Variants in PEX3 observed in about 807,000 individuals in gnomAD.
The protein encoded by PEX3 is peroxin-3.
In PEX3, 30 loss-of-function variants were observed where a neutral mutation model predicts 55.8. The observed-to-expected ratio is 0.54, with a 90% CI of 0.40 to 0.73. The LOEUF (loss-of-function observed/expected upper bound fraction) is 0.73. Among genes scored for constraint, PEX3 ranks in the 30% least tolerant of loss-of-function variants. The pLI is 0.00. For synonymous variants in PEX3, 135 were observed against 148.4 expected (o/e 0.91, Z 0.66); for missense variants, 351 against 432.8 (o/e 0.81, Z 1.68).
chr6:143,467,463 T>C (rs1780008017), intron 3 of PEX3, among the ~76,000 whole-genome samples: 2 of 152,120 alleles, frequency 1.3e-5, no homozygotes, highest in South Asian at 4.1e-4. Context: ...ACATTCTGCA[T>C]CGAAGGTTTT....
chr6:143,479,048 AG>A lies in PEX3; in HGVS notation c.819-27del. 1 of 1,452,926 alleles carries A rather than the reference AG, an allele frequency of 6.9e-7. No homozygotes were observed. The highest frequency in any genetic ancestry group is 2.3e-5 in the East Asian group (1 of 44,024). 90.0% of individuals were successfully genotyped at this position (1,452,926 alleles called of 1,614,324 possible). A position where few individuals can be genotyped will look rare whatever the true frequency, so the allele number is the denominator to read the frequency against. ...TTTCTCTTCCATTCAGAGTCTAAAA[AG>A]TAACTTATACTTCTTACTTTATATA... On this transcript the variant is annotated intron_variant, in intron 9 of 11. Transcript: ENST00000367591. This position sits in a 1 kb window ranked among gnomAD's most constrained non-coding sequence, Gnocchi z 4.6.
rs1243926287 is a variant in PEX3 at position 143,486,621 on chromosome 6, A to G, written c.1038+1373A>G. On this transcript the variant is annotated intron_variant, in intron 11 of 11. Transcript: ENST00000367591. The surrounding 1 kb of genome is among the most constrained non-coding windows in gnomAD (Gnocchi z 5.0). ...TTAAACTATAATTTCTATGAGTTAA[A>G]ATACCAAGTGGTCTTCTTAATAAAT... Among the ~76,000 whole-genome samples the G allele has an allele frequency of 6.6e-6, 1 of 152,136 alleles. No homozygotes were observed. The highest frequency in any genetic ancestry group is 1.9e-4 in the East Asian group (1 of 5,204).
chr6:143,455,251 G>A (rs1779828892), intron 1 of PEX3, among the ~76,000 whole-genome samples: 2 of 149,534 alleles, frequency 1.3e-5, no homozygotes, highest in South Asian at 4.2e-4. Flanking sequence ...CGAGTGCAGT[G>A]GCTCGATCTC....
rs1779955520 is a variant in PEX3, at chr6:143,463,829, C to A, written c.287+832C>A. On this transcript the variant is annotated intron_variant, in intron 3 of 11. Coordinates refer to ENST00000367591, the MANE Select transcript of PEX3 (RefSeq NM_003630.3). The surrounding 1 kb of genome is among the most constrained non-coding windows in gnomAD (Gnocchi z 5.7). ...TGCTCCCACTTAATTTACACAATAT[C>A]CCTGTGAGGCGGTTACTATTATTCA... 6.6e-6 allele frequency among the ~76,000 whole-genome samples: 1 copy of A among 152,140 alleles called. No individual in the cohort carries two copies. The highest frequency in any genetic ancestry group is 6.5e-5 in the Admixed American group (1 of 15,276).
rs1331070571 is a variant in PEX3, at chr6:143,463,040, A to C, written c.287+43A>C. On this transcript the variant is annotated intron_variant, in intron 3 of 11. Transcript: ENST00000367591. This position sits in a 1 kb window ranked among gnomAD's most constrained non-coding sequence, Gnocchi z 5.7. ...CATTTTCTGTTTAAGCACTACACTT[A>C]AAGTTTATAGAATGAACTGATAGAC... is the stretch of plus-strand genomic sequence containing the variant. 2 of 1,378,094 alleles carry C rather than the reference A, an allele frequency of 1.5e-6. No homozygotes were observed. The highest frequency in any genetic ancestry group is 4.6e-5 in the East Asian group (2 of 43,684). 85.4% of individuals were successfully genotyped at this position (1,378,094 alleles called of 1,614,324 possible). A position where few individuals can be genotyped will look rare whatever the true frequency, so the allele number is the denominator to read the frequency against.
rs534626615 is a variant in PEX3, at chr6:143,488,547, T to C, written c.1039-596T>C. Among the ~76,000 whole-genome samples, 1 of 152,204 alleles carries C rather than the reference T, an allele frequency of 6.6e-6. No homozygotes were observed. Among genetic ancestry groups the C allele is most frequent in the East Asian group, 1.9e-4 (1 of 5,192 alleles). On this transcript the variant is annotated intron_variant, in intron 11 of 11. Coordinates refer to ENST00000367591, the MANE Select transcript of PEX3 (RefSeq NM_003630.3). This position sits in a 1 kb window ranked among gnomAD's most constrained non-coding sequence, Gnocchi z 4.9. ...TTGAAGACAAAGTCATACAACCTGC[T>C]AATATTATCACAGTTTGTTGCCTAC...
chr6:143,469,562 G>C (rs998341980), intron 4 of PEX3, among the ~76,000 whole-genome samples: 5 of 152,176 alleles, frequency 3.3e-5, no homozygotes, highest in African/African-American at 1.2e-4. Flanking sequence ...GTTCTTTGTA[G>C]ATTCTGGATG....
intron 4 of PEX3, among the ~76,000 whole-genome samples, chr6:143,470,303 A>G (rs1474336115): frequency 1.3e-5 from 2 of 151,174 alleles, no homozygotes; most frequent in Non-Finnish European, 2.9e-5. Flanking sequence ...TCTTCTCTTC[A>G]CTCCCTCACG....
In PEX3 at chr6:143,450,992, TG is replaced by T; in HGVS notation, c.-49del. Reference sequence around the variant, plus strand: ...GCCAGGTGACGAAGAAACAGTTTCCTGGTGAAGCAGTCCCTCACCCCTAGTC... The same window carrying T: ...GCCAGGTGACGAAGAAACAGTTTCCTGTGAAGCAGTCCCTCACCCCTAGTC... On this transcript the variant is annotated 5_prime_UTR_variant, in exon 1 of 12. Coordinates refer to ENST00000367591, the MANE Select transcript of PEX3 (RefSeq NM_003630.3). The T allele has an allele frequency of 7.6e-7, 1 of 1,311,732 alleles. No homozygotes were observed. Among genetic ancestry groups the T allele is most frequent in the Non-Finnish European group, 1.1e-6 (1 of 903,554 alleles). The allele number at this position is 1,311,732 out of a possible 1,614,324, so 81.3% of individuals were successfully genotyped here. A position where few individuals can be genotyped will look rare whatever the true frequency, so the allele number is the denominator to read the frequency against.
chr6:143,489,319 A>C lies in PEX3; in HGVS notation c.*93A>C. 1.3e-6 allele frequency: 1 copy of C among 752,834 alleles called. No homozygotes were observed. Among genetic ancestry groups the C allele is most frequent in the East Asian group, 2.5e-5 (1 of 39,578 alleles). 46.6% of individuals were successfully genotyped at this position (752,834 alleles called of 1,614,324 possible). On this transcript the variant is annotated 3_prime_UTR_variant, in exon 12 of 12. Coordinates refer to ENST00000367591, the MANE Select transcript of PEX3 (RefSeq NM_003630.3). The surrounding 1 kb of genome is among the most constrained non-coding windows in gnomAD (Gnocchi z 5.5). ...TACTTAGAGTAACAGTTTGTTATCA[A>C]AATGCCTGATAAAATATATTCTTAA...
chr6:143,490,534 A>G lies in PEX3; in HGVS notation c.*1308A>G, dbSNP rs1220635967. 2 of 389,838 alleles carry G rather than the reference A, an allele frequency of 5.1e-6. No homozygotes were observed. Among genetic ancestry groups the G allele is most frequent in the African/African-American group, 4.3e-5 (2 of 46,420 alleles). The allele number at this position is 389,838 out of a possible 1,614,324, so 24.1% of individuals were successfully genotyped here. A position where few individuals can be genotyped will look rare whatever the true frequency, so the allele number is the denominator to read the frequency against. ...CAGAAGATGGCTGTGCCACTCACAT[A>G]TGCTAATCTTGGCAAATCTGCCAAG... On this transcript the variant is annotated 3_prime_UTR_variant, in exon 12 of 12. Coordinates refer to ENST00000367591, the MANE Select transcript of PEX3 (RefSeq NM_003630.3). The surrounding 1 kb of genome is among the most constrained non-coding windows in gnomAD (Gnocchi z 6.0).
rs1048573113 is a variant in PEX3, at chr6:143,471,926, T to C, written c.579-234T>C. Among the ~76,000 whole-genome samples, 2 of 152,164 alleles carry C rather than the reference T, an allele frequency of 1.3e-5. No individual in the cohort carries two copies. The highest frequency in any genetic ancestry group is 4.8e-5 in the African/African-American group (2 of 41,454). On this transcript the variant is annotated intron_variant, in intron 7 of 11. Transcript: ENST00000367591. The surrounding 1 kb of genome is among the most constrained non-coding windows in gnomAD (Gnocchi z 5.4). ...TTTTACCTCCCATTTATACTAGTAA[T>C]ATCTATAATTACAGTAGGAATTCTC...
Position 143,471,347 on chromosome 6 carries a change from A to G in PEX3, c.457-36A>G. On this transcript the variant is annotated intron_variant, in intron 5 of 11. Coordinates refer to ENST00000367591, the MANE Select transcript of PEX3 (RefSeq NM_003630.3). The surrounding 1 kb of genome is among the most constrained non-coding windows in gnomAD (Gnocchi z 5.4). ...AACATTTCTTATTTACCAGTTTAAA[A>G]CTTGGATAATTGAACTGTATTTCTG... 4.2e-6 allele frequency: 6 copies of G among 1,434,740 alleles called. No individual in the cohort carries two copies. The highest frequency in any genetic ancestry group is 5.9e-6 in the Non-Finnish European group (6 of 1,018,652). The allele number at this position is 1,434,740 out of a possible 1,614,324, so 88.9% of individuals were successfully genotyped here.
Position 143,458,258 on chromosome 6 carries a change from A to G in PEX3, c.74-827A>G, listed in dbSNP as rs781531035. 5.3e-5 allele frequency among the ~76,000 whole-genome samples: 8 copies of G among 152,198 alleles called. No individual in the cohort carries two copies. The highest frequency in any genetic ancestry group is 1.2e-4 in the Non-Finnish European group (8 of 68,016). On this transcript the variant is annotated intron_variant, in intron 1 of 11. Coordinates refer to ENST00000367591, the MANE Select transcript of PEX3 (RefSeq NM_003630.3). This position sits in a 1 kb window ranked among gnomAD's most constrained non-coding sequence, Gnocchi z 6.1. ...TATATATCATACTGCCTATGCTGAA[A>G]TCTGTTAAATCACAGGCCACATGAC...
At chr6:143,477,392 A>G (rs1249990766) in intron 9 of PEX3, among the ~76,000 whole-genome samples, 3 of 151,880 alleles carry the variant, frequency 2.0e-5, no homozygotes, top group African/African-American at 4.8e-5. Flanking sequence ...GATGCTCAAT[A>G]AGTATTTACT....
chr6:143,481,976 AT>A (rs1406609785), intron 10 of PEX3, among the ~76,000 whole-genome samples: 1 of 151,858 alleles, frequency 6.6e-6, no homozygotes, highest in Non-Finnish European at 1.5e-5. Context: ...TCTTAAAAAA[AT>A]ATATAAAAAA....
In PEX3 at chr6:143,482,871, TGGA is replaced by T. The variant is rs1431520940; in HGVS notation, c.942-2279_942-2277del. ...AACAGGTGACTATGTGACCTCAAGA[TGGA>T]GAAGGTATTTCTAAGAATGAAAGTA... On this transcript the variant is annotated intron_variant, in intron 10 of 11. Transcript: ENST00000367591. The surrounding 1 kb of genome is among the most constrained non-coding windows in gnomAD (Gnocchi z 5.5). Among the ~76,000 whole-genome samples the T allele has an allele frequency of 6.6e-6, 1 of 152,018 alleles. No homozygotes were observed. Among genetic ancestry groups the T allele is most frequent in the Non-Finnish European group, 1.5e-5 (1 of 67,962 alleles).
In PEX3 at chr6:143,473,276, A is replaced by G. The variant is rs933830145; in HGVS notation, c.747+948A>G. Among the ~76,000 whole-genome samples the G allele has an allele frequency of 6.6e-5, 10 of 152,330 alleles. No individual in the cohort carries two copies. In the East Asian group the frequency reaches 1.9e-3, roughly 29 times the overall value. The stretch of plus-strand genomic sequence containing the variant: ...AAAAAGTTGCATCCCATTTAAGGAA[A>G]CCCTGTAACTTGAAAGATAGAGACT... On this transcript the variant is annotated intron_variant, in intron 8 of 11. Coordinates refer to ENST00000367591, the MANE Select transcript of PEX3 (RefSeq NM_003630.3).
intron 1 of PEX3, among the ~76,000 whole-genome samples, chr6:143,455,629 A>G (rs182444835): frequency 1.3e-5 from 2 of 152,216 alleles, no homozygotes; most frequent in East Asian, 3.9e-4. Flanking sequence ...CAAGATGTTG[A>G]AGGATTCTAA....
Sources: allele counts gnomAD v4.1 joint callset (sites outside exome capture counted in the v4.1 genomes callset), GRCh38; gene constraint gnomAD v4.1.1; non-coding constraint Gnocchi (gnomAD v3.1); transcripts MANE v1.5; gene names NCBI Gene and HGNC (gene_info 2026-07-23, HGNC 2026-07-21).